The following PUS7L variants were observed in gnomAD, a reference collection of about 807,000 sequenced individuals.
PUS7L encodes pseudouridine synthase 7 like, also known as pseudouridylate synthase PUS7L.
Under a neutral mutation model 51.1 loss-of-function variants are expected in PUS7L, and 49 were observed. The observed-to-expected ratio is 0.96, with a 90% CI of 0.76 to 1.22. The LOEUF (loss-of-function observed/expected upper bound fraction) is 1.22, where lower values mean the gene tolerates loss of function less well. Ranked by LOEUF, PUS7L falls within the 50% of genes most tolerant of loss-of-function variation. The pLI, the probability that PUS7L is intolerant of heterozygous loss-of-function variation, is 0.00. For synonymous variants in PUS7L, 277 were observed against 276.2 expected, an observed-to-expected ratio of 1.00 and a Z score of -0.03; for missense variants, 828 against 820.6, an observed-to-expected ratio of 1.01 and a Z score of -0.11.
Position 43,746,177 on chromosome 12 carries a change from C to G in PUS7L, c.1132G>C (p.Val378Leu). ...TGACCAAGTCTCAGGGAATCATCTA[C>G]AGACCGAATATTAAAGACATTCATT... ...KRMNVFNIRS[V>L]DDSLRLGQLK... is the part of the protein sequence containing the mutation. Residue 378 changes from valine to leucine, a missense_variant, in exon 4 of 9, where the codon GTA becomes CTA. Val to Leu is a conservative substitution (Grantham distance 32). Transcript: ENST00000344862. 6.6e-7 allele frequency: 1 copy of G among 1,519,744 alleles called. No homozygotes were observed. The highest frequency in any genetic ancestry group is 1.8e-5 in the Admixed American group (1 of 56,492). 94.1% of individuals were successfully genotyped at this position (1,519,744 alleles called of 1,614,324 possible).
At chr12:43,745,083 A>G (rs1283244239) in intron 4 of PUS7L, among the ~76,000 whole-genome samples, 1 of 152,110 alleles carries the variant, frequency 6.6e-6, no homozygotes, top group Non-Finnish European at 1.5e-5. Flanking sequence ...CTGCTTCCAT[A>G]CAATGGCAGT....
intron 5 of PUS7L, among the ~76,000 whole-genome samples, chr12:43,741,853 T>C (rs1937913440): frequency 6.6e-6 from 1 of 152,222 alleles, no homozygotes. Context: ...CGAGATACTA[T>C]CATAAGAATA....
In PUS7L at chr12:43,726,541, G is replaced by A. The variant is rs1565624232; in HGVS notation, c.*3835C>T. The A allele has an allele frequency of 6.6e-6, 1 of 152,096 alleles. No homozygotes were observed. The allele number at this position is 152,096 out of a possible 1,614,324, so 9.4% of individuals were successfully genotyped here. A position where few individuals can be genotyped will look rare whatever the true frequency, so the allele number is the denominator to read the frequency against. On this transcript the variant is annotated 3_prime_UTR_variant, in exon 9 of 9. Transcript: ENST00000344862. ...CTGGAACAAAGCCAATAATTGACAA[G>A]TGAAGGCTGGGCATGGTGGCTCATG...
chr12:43,746,899 G>T (rs1938198926), intron 3 of PUS7L, among the ~76,000 whole-genome samples: 1 of 152,102 alleles, frequency 6.6e-6, no homozygotes, highest in South Asian at 2.1e-4. Context: ...AGACTCATAA[G>T]CTAAATTAAA....
chr12:43,737,406 CCTGCGAATAG>C (rs1284751261), intron 6 of PUS7L, among the ~76,000 whole-genome samples: 3 of 151,870 alleles, frequency 2.0e-5, no homozygotes, highest in Non-Finnish European at 4.4e-5. Flanking sequence ...ATACTACTTT[CCTGCGAATAG>C]CTGCACATAT....
intron 7 of PUS7L, 103 bp from the exon 8 acceptor site, chr12:43,731,861 C>G (rs1253869728): frequency 1.5e-6 from 1 of 684,552 alleles, no homozygotes; most frequent in Admixed American, 2.9e-5. Context: ...AGTTCCTATG[C>G]TGAATATACA....
rs1199892991 is a variant in PUS7L at position 43,723,700 on chromosome 12, T to C, written c.*6676A>G. On this transcript the variant is annotated 3_prime_UTR_variant, in exon 9 of 9. Transcript: ENST00000344862. Reference sequence around the variant, plus strand: ...CACTTATTCAAATATTTGTTGGTTATTATGCCATATATTTGACATTATTTT... The same window carrying C: ...CACTTATTCAAATATTTGTTGGTTACTATGCCATATATTTGACATTATTTT... 6.6e-6 allele frequency: 1 copy of C among 152,138 alleles called. No homozygotes were observed. The highest frequency in any genetic ancestry group is 2.4e-5 in the African/African-American group (1 of 41,446). 9.4% of individuals were successfully genotyped at this position (152,138 alleles called of 1,614,324 possible).
At chr12:43,752,220 C>A (rs548934528) in intron 2 of PUS7L, among the ~76,000 whole-genome samples, 1 of 152,142 alleles carries the variant, frequency 6.6e-6, no homozygotes. Flanking sequence ...CCCAAAGGGG[C>A]TCATTTACGT....
At chr12:43,732,231 C>T (rs912918692) in intron 7 of PUS7L, among the ~76,000 whole-genome samples, 2 of 151,804 alleles carry the variant, frequency 1.3e-5, no homozygotes, top group Admixed American at 6.6e-5. Flanking sequence ...CGCTTGAGGC[C>T]AGCAGTTTGA....
At chr12:43,742,951 T>C (rs1314791275) in intron 4 of PUS7L, among the ~76,000 whole-genome samples, 1 of 152,174 alleles carries the variant, frequency 6.6e-6, no homozygotes, top group Non-Finnish European at 1.5e-5. Context: ...TGTCTGGAGA[T>C]GTCGGGAGTC....
In PUS7L at chr12:43,728,733, A is replaced by T. The variant is rs1360848469; in HGVS notation, c.*1643T>A. 6.6e-6 allele frequency: 1 copy of T among 152,376 alleles called. No homozygotes were observed. Among genetic ancestry groups the T allele is most frequent in the Non-Finnish European group, 1.5e-5 (1 of 68,158 alleles). 9.4% of individuals were successfully genotyped at this position (152,376 alleles called of 1,614,324 possible). ...TTTCATTTATTTGCTTTTCTCTTCC[A>T]AACTTGCATCTGCAGACACTTACTT... On this transcript the variant is annotated 3_prime_UTR_variant, in exon 9 of 9. Coordinates refer to ENST00000344862, the MANE Select transcript of PUS7L (RefSeq NM_031292.5).
intron 4 of PUS7L, among the ~76,000 whole-genome samples, chr12:43,745,657 G>T (rs1938127019): frequency 6.6e-6 from 1 of 152,018 alleles, no homozygotes; most frequent in African/African-American, 2.4e-5. Context: ...TGTGAGAATG[G>T]ACTAATACAG....
chr12:43,729,107 T>A lies in PUS7L; in HGVS notation c.*1269A>T, dbSNP rs1944495472. 7.6e-6 allele frequency: 3 copies of A among 395,082 alleles called. No individual in the cohort carries two copies. The highest frequency in any genetic ancestry group is 4.4e-5 in the Admixed American group (1 of 22,662). The allele number at this position is 395,082 out of a possible 1,614,324, so 24.5% of individuals were successfully genotyped here. A position where few individuals can be genotyped will look rare whatever the true frequency, so the allele number is the denominator to read the frequency against. On this transcript the variant is annotated 3_prime_UTR_variant, in exon 9 of 9. Coordinates refer to ENST00000344862, the MANE Select transcript of PUS7L (RefSeq NM_031292.5). ...GAAACTAAATTGTTCATTGCTTTTT[T>A]AAATAACTACATATTTTACCATCAA...
Position 43,722,890 on chromosome 12 carries a change from T to G in PUS7L, c.*7486A>C, listed in dbSNP as rs1002674749. ...GCATAAAGAATTGAGTTCAACCCCCTCCACTCTTCACCCTATCCTGCTGCC... is the reference window on the plus strand; with the variant it reads ...GCATAAAGAATTGAGTTCAACCCCCGCCACTCTTCACCCTATCCTGCTGCC... On this transcript the variant is annotated 3_prime_UTR_variant, in exon 9 of 9. Coordinates refer to ENST00000344862, the MANE Select transcript of PUS7L (RefSeq NM_031292.5). 3.2e-4 allele frequency: 48 copies of G among 152,164 alleles called. No individual in the cohort carries two copies. Among genetic ancestry groups the G allele is most frequent in the African/African-American group, 1.1e-3 (45 of 41,550 alleles). The allele number at this position is 152,164 out of a possible 1,614,324, so 9.4% of individuals were successfully genotyped here.
Position 43,738,063 on chromosome 12 carries a change from A to G in PUS7L, c.1444+247T>C, listed in dbSNP as rs1592164514. On this transcript the variant is annotated intron_variant, in intron 6 of 8. Coordinates refer to ENST00000344862, the MANE Select transcript of PUS7L (RefSeq NM_031292.5). ...TCTCAGAGGATTTCAGCCAAGAAAA[A>G]CTAAGAAACTATTTCTCCCATTGCC... The G allele has an allele frequency of 1.5e-5, 5 of 340,842 alleles. No homozygotes were observed. In the East Asian group the frequency reaches 2.6e-4, roughly 18 times the overall value. The allele number at this position is 340,842 out of a possible 1,614,324, so 21.1% of individuals were successfully genotyped here.
Position 43,742,549 on chromosome 12 carries a change from C to CT in PUS7L, c.1269dup (p.Gly424ArgfsTer30). 1.3e-6 allele frequency: 2 copies of CT among 1,596,576 alleles called. No individual in the cohort carries two copies. Among genetic ancestry groups the CT allele is most frequent in the Admixed American group, 1.8e-5 (1 of 55,004 alleles). On this transcript the variant is annotated frameshift_variant, in exon 5 of 9. Transcript: ENST00000344862. LOFTEE classifies it high-confidence loss of function. ...TGTGGTCCATAGTAATTCACAAAGC[C>CT]TTTTTTCTATGTATACAAAATAATC...
chr12:43,730,333 T>G lies in PUS7L; in HGVS notation c.*43A>C, dbSNP rs1176295080. On this transcript the variant is annotated 3_prime_UTR_variant, in exon 9 of 9. Transcript: ENST00000344862. ...CTTAAGACATTTTAGCCCCCTTTCCTTCAAAGAGTGACATATATATGGTTA... is the reference window on the plus strand; with the variant it reads ...CTTAAGACATTTTAGCCCCCTTTCCGTCAAAGAGTGACATATATATGGTTA... 1 of 1,489,886 alleles carries G rather than the reference T, an allele frequency of 6.7e-7. No homozygotes were observed. 92.3% of individuals were successfully genotyped at this position (1,489,886 alleles called of 1,614,324 possible). A position where few individuals can be genotyped will look rare whatever the true frequency, so the allele number is the denominator to read the frequency against.
In PUS7L at chr12:43,746,041, C is replaced by T. The variant is rs372800182; in HGVS notation, c.1263+5G>A. ...TGGATGCCTTTTAAAATTAAGTTTT[C>T]TTACCTTAACATTTTCTATTGCTTC... On this transcript the variant is annotated splice_donor_5th_base_variant and intron_variant, in intron 4 of 8. Transcript: ENST00000344862. 384 of 1,413,838 alleles carry T rather than the reference C, an allele frequency of 2.7e-4. No individual in the cohort carries two copies. The highest frequency in any genetic ancestry group is 4.7e-4 in the South Asian group (38 of 80,734). 87.6% of individuals were successfully genotyped at this position (1,413,838 alleles called of 1,614,324 possible). A position where few individuals can be genotyped will look rare whatever the true frequency, so the allele number is the denominator to read the frequency against.
chr12:43,746,730 A>G (rs144718971), intron 3 of PUS7L, among the ~76,000 whole-genome samples: 1 of 152,208 alleles, frequency 6.6e-6, no homozygotes, highest in Non-Finnish European at 1.5e-5. Flanking sequence ...GTATGACCCT[A>G]TAAGGGCTGA....
Sources: gnomAD v4.1 joint callset for allele counts (sites outside exome capture counted in the v4.1 genomes callset) on GRCh38, gnomAD v4.1.1 for gene constraint, MANE v1.5 for transcripts, NCBI Gene and HGNC (gene_info 2026-07-23, HGNC 2026-07-21) for gene names.